The following RNF185 variants were observed in gnomAD, a reference collection of about 807,000 sequenced individuals.
The protein encoded by RNF185 is E3 ubiquitin-protein ligase RNF185.
A neutral mutation model predicts 24.9 loss-of-function variants in RNF185; 13 were observed. That is an observed-to-expected ratio of 0.52 (90% CI 0.34 to 0.83). The LOEUF (loss-of-function observed/expected upper bound fraction) is 0.83, where lower values mean the gene tolerates loss of function less well. Among genes scored for constraint, RNF185 ranks in the 40% least tolerant of loss-of-function variants. RNF185 has a pLI of 0.01. For synonymous variants in RNF185, 79 were observed against 90.3 expected (o/e 0.88, Z 0.71); for missense variants, 184 against 244.7 (o/e 0.75, Z 1.65).
chr22:31,165,143 C>T (rs1183015047), intron 1 of RNF185, among the ~76,000 whole-genome samples: 1 of 151,752 alleles, frequency 6.6e-6, no homozygotes, highest in Admixed American at 6.6e-5. Context: ...GTCTGGAACT[C>T]CCGGCCTCAG....
In RNF185 at chr22:31,205,306, A is replaced by G. The variant is rs2048304676; in HGVS notation, c.*720A>G. The G allele has an allele frequency of 5.9e-6, 1 of 169,168 alleles. No homozygotes were observed. Among genetic ancestry groups the G allele is most frequent in the Admixed American group, 6.5e-5 (1 of 15,282 alleles). 10.5% of individuals were successfully genotyped at this position (169,168 alleles called of 1,614,324 possible). ...TGGCATAAATTATTCCTGGTGAGACATGTGGCTTAACTCACAGGTTTCCCA... is the reference window on the plus strand; with the variant it reads ...TGGCATAAATTATTCCTGGTGAGACGTGTGGCTTAACTCACAGGTTTCCCA... On this transcript the variant is annotated 3_prime_UTR_variant, in exon 7 of 7. Transcript: ENST00000326132.
At chr22:31,162,541 G>A (rs375288569) in intron 1 of RNF185, among the ~76,000 whole-genome samples, 1 of 151,788 alleles carries the variant, frequency 6.6e-6, no homozygotes, top group Admixed American at 6.6e-5. Context: ...CCACTGAGAG[G>A]TCCTGCAATA....
chr22:31,180,951 G>A (rs1422960910), intron 1 of RNF185, among the ~76,000 whole-genome samples: 1 of 150,636 alleles, frequency 6.6e-6, no homozygotes, highest in East Asian at 2.0e-4. Context: ...GTGTGTGTGT[G>A]TGTGTGTCTG....
chr22:31,192,535 G>T, intron 2 of RNF185, 149 bp from the exon 3 acceptor site: 1 of 673,000 alleles, frequency 1.5e-6, no homozygotes, highest in Non-Finnish European at 2.7e-6. Flanking sequence ...GAACCTCAAT[G>T]GGCATGCAGT....
chr22:31,191,827 CAAAAAAAAAAA>C (rs71784545), intron 2 of RNF185, among the ~76,000 whole-genome samples: 1 of 64,356 alleles, frequency 1.6e-5, no homozygotes, highest in Non-Finnish European at 3.5e-5. Flanking sequence ...AACTTCGTCT[CAAAAAAAAAAA>C]AAAAAAAAAG....
chr22:31,184,980 AT>A lies in RNF185; in HGVS notation c.-48-2052del, dbSNP rs35419857. Among the ~76,000 whole-genome samples, 1,017 of 137,736 alleles carry A rather than the reference AT, an allele frequency of 7.4e-3. 13 individuals carry two copies. Among genetic ancestry groups the A allele is most frequent in the African/African-American group, 0.024 (887 of 37,548 alleles). The allele number at this position is 137,736 out of a possible 152,430, so 90.4% of individuals were successfully genotyped here. A position where few individuals can be genotyped will look rare whatever the true frequency, so the allele number is the denominator to read the frequency against. On this transcript the variant is annotated intron_variant, in intron 1 of 6. Coordinates refer to ENST00000326132, the MANE Select transcript of RNF185 (RefSeq NM_152267.4). ...GGAGAGCAATTTTTAATTTTTTAAGATTTTTTTTTTTTTTTAAAAAGAAACA... is the reference window on the plus strand; with the variant it reads ...GGAGAGCAATTTTTAATTTTTTAAGATTTTTTTTTTTTTTAAAAAGAAACA...
At chr22:31,204,437 G>A (rs939942604) in intron 6 of RNF185, 52 bp from the exon 7 acceptor site, 4 of 1,122,940 alleles carry the variant, frequency 3.6e-6, no homozygotes, top group Admixed American at 1.7e-5. Context: ...AGTGGGCAGT[G>A]TGCATAGCTG....
intron 5 of RNF185, among the ~76,000 whole-genome samples, chr22:31,198,708 T>TC: frequency 7.1e-6 from 1 of 140,528 alleles, no homozygotes; most frequent in African/African-American, 2.8e-5. Flanking sequence ...CACTTTCTTT[T>TC]TTTTTTTTTT....
At chr22:31,204,368 G>C in intron 6 of RNF185, 121 bp from the exon 7 acceptor site, 1 of 663,714 alleles carries the variant, frequency 1.5e-6, no homozygotes, top group South Asian at 1.7e-5. Flanking sequence ...AAATCTTTTT[G>C]TGTGTAGGAT....
At chr22:31,174,833 G>A (rs2047965175) in intron 1 of RNF185, among the ~76,000 whole-genome samples, 1 of 151,982 alleles carries the variant, frequency 6.6e-6, no homozygotes, top group Non-Finnish European at 1.5e-5. Flanking sequence ...ACTTTGGGAG[G>A]CCGAGGTGGG....
intron 1 of RNF185, among the ~76,000 whole-genome samples, chr22:31,177,601 C>T (rs1055456879): frequency 2.0e-5 from 3 of 152,176 alleles, no homozygotes; most frequent in Non-Finnish European, 2.9e-5. Context: ...TTTCTGCCTA[C>T]GTGTGGTCCA....
intron 1 of RNF185, among the ~76,000 whole-genome samples, chr22:31,163,274 A>G (rs1488443779): frequency 6.6e-6 from 1 of 151,852 alleles, no homozygotes; most frequent in East Asian, 1.9e-4. Flanking sequence ...AGTCTGAAGT[A>G]TTTACTCTAT....
chr22:31,166,578 T>TCTTCTTCCC (rs1555880428), intron 1 of RNF185, among the ~76,000 whole-genome samples: 29 of 150,990 alleles, frequency 1.9e-4, no homozygotes, highest in East Asian at 3.9e-4. Context: ...TTCTTCTTCT[T>TCTTCTTCCC]CTTCCCCTTC....
chr22:31,195,576 C>A lies in RNF185; in HGVS notation c.303C>A (p.Asp101Glu), dbSNP rs1332381835. 1 of 1,601,640 alleles carries A rather than the reference C, an allele frequency of 6.2e-7. No homozygotes were observed. ...GAAGGGGCAGCACTGGGCAACAGGA[C>A]CCCAGGTGAGGACTCAGGATGCCTC... ...LYGRGSTGQQ[D>E]PREKTPPRPQ... Residue 101 changes from aspartate (D) to glutamate (E), a missense_variant, in exon 4 of 7, where the codon GAC becomes GAA. Transcript: ENST00000326132.
chr22:31,170,372 A>G (rs569725581), intron 1 of RNF185, among the ~76,000 whole-genome samples: 1 of 151,992 alleles, frequency 6.6e-6, no homozygotes, highest in African/African-American at 2.4e-5. Flanking sequence ...TCGTATTTTT[A>G]GTAGAGACGA....
chr22:31,198,567 T>C (rs964820459), intron 5 of RNF185, among the ~76,000 whole-genome samples: 5 of 151,628 alleles, frequency 3.3e-5, no homozygotes, highest in Non-Finnish European at 5.9e-5. Context: ...CCCAGCTAAT[T>C]TTTGTATTTT....
rs1050842065 is a variant in RNF185 at position 31,189,280 on chromosome 22, C to CTTTTTTT, written c.176+2031_176+2037dup. ...ATTTAAATGTACAGCTGTTGTATAT[C>CTTTTTTT]TTTTTTTTTTTTTTTTTTTTTTTTT... is the stretch of plus-strand genomic sequence containing the variant. On this transcript the variant is annotated intron_variant, in intron 2 of 6. Coordinates refer to ENST00000326132, the MANE Select transcript of RNF185 (RefSeq NM_152267.4). 4.0e-3 allele frequency among the ~76,000 whole-genome samples: 248 copies of CTTTTTTT among 61,536 alleles called. 59 individuals carry two copies. Among genetic ancestry groups the CTTTTTTT allele is most frequent in the East Asian group, 0.018 (31 of 1,720 alleles). The allele number at this position is 61,536 out of a possible 152,430, so 40.4% of individuals were successfully genotyped here.
rs929813535 is a variant in RNF185 at position 31,168,546 on chromosome 22, T to C, written c.-49+8243T>C. On this transcript the variant is annotated intron_variant, in intron 1 of 6. Transcript: ENST00000326132. ...GAACATTGATGTATAGCTATTTCTTTGCGACCTTGCTTTCAATTATTTGGG... is the reference window on the plus strand; with the variant it reads ...GAACATTGATGTATAGCTATTTCTTCGCGACCTTGCTTTCAATTATTTGGG... Among the ~76,000 whole-genome samples, 5 of 152,250 alleles carry C rather than the reference T, an allele frequency of 3.3e-5. 1 individual carries two copies. Among genetic ancestry groups the C allele is most frequent in the African/African-American group, 1.2e-4 (5 of 41,468 alleles).
rs149267234 is a variant in RNF185, at chr22:31,171,156, C to CTTACTTATTTATTTATTTAT, written c.-49+10856_-49+10857insCTTATTTATTTATTTATTTA. Among the ~76,000 whole-genome samples, 627 of 143,224 alleles carry CTTACTTATTTATTTATTTAT rather than the reference C, an allele frequency of 4.4e-3. 3 individuals carry two copies. The highest frequency in any genetic ancestry group is 0.021 in the East Asian group (103 of 4,944). The allele number at this position is 143,224 out of a possible 152,430, so 94.0% of individuals were successfully genotyped here. A position where few individuals can be genotyped will look rare whatever the true frequency, so the allele number is the denominator to read the frequency against. Reference sequence around the variant, plus strand: ...AGGAACCAGGACCTTCTCTGATTTACTTATTTATTTATTTATTTATTTATT... The same window carrying CTTACTTATTTATTTATTTAT: ...AGGAACCAGGACCTTCTCTGATTTACTTACTTATTTATTTATTTATTTATTTATTTATTTATTTATTTATT... On this transcript the variant is annotated intron_variant, in intron 1 of 6. Transcript: ENST00000326132.
Sources: gnomAD v4.1 joint callset for allele counts (sites outside exome capture counted in the v4.1 genomes callset) on GRCh38, gnomAD v4.1.1 for gene constraint, MANE v1.5 for transcripts, NCBI Gene and HGNC (gene_info 2026-07-23, HGNC 2026-07-21) for gene names.